Variants in GRIN2B observed in about 807,000 individuals in gnomAD.
The protein encoded by GRIN2B is glutamate receptor ionotropic, NMDA 2B.
A neutral mutation model predicts 114.5 loss-of-function variants in GRIN2B; 5 were observed. The observed-to-expected ratio is 0.04, with a 90% CI of 0.02 to 0.09. GRIN2B has a LOEUF of 0.09. Ranked by LOEUF, GRIN2B falls within the 10% of genes least tolerant of loss-of-function variation. The pLI, the probability that GRIN2B is intolerant of heterozygous loss-of-function variation, is 1.00. For missense variants in GRIN2B, 1,108 were observed against 1,943.5 expected (o/e 0.57, Z 8.08); for synonymous variants, 787 against 745.1 (o/e 1.06, Z -0.92).
chr12:13,721,316 C>T lies in GRIN2B; in HGVS notation c.1010+32001G>A, dbSNP rs530633960. On this transcript the variant is annotated intron_variant, in intron 4 of 13. Coordinates refer to ENST00000609686, the MANE Select transcript of GRIN2B (RefSeq NM_000834.5). ...ATTTTATTCTAAGTGTGACAGGAGG[C>T]CATTGAAAAATTTTGATGTGATCAT... Among the ~76,000 whole-genome samples the T allele has an allele frequency of 2.3e-3, 351 of 151,678 alleles. 1 individual carries two copies. The highest frequency in any genetic ancestry group is 3.6e-3 in the Non-Finnish European group (245 of 67,892).
intron 1 of GRIN2B, 27 bp downstream of exon 1, chr12:13,981,315 G>A (rs1376716930): frequency 6.6e-6 from 1 of 152,326 alleles, no homozygotes; most frequent in African/African-American, 2.4e-5. Context: ...ATTCAAAGGA[G>A]AGACTCCAAA....
intron 3 of GRIN2B, among the ~76,000 whole-genome samples, chr12:13,860,360 G>A (rs778519551): frequency 3.3e-5 from 5 of 152,044 alleles, no homozygotes; most frequent in Non-Finnish European, 5.9e-5. Flanking sequence ...ACAGAGTCTC[G>A]CTCTGTCACT....
intron 10 of GRIN2B, among the ~76,000 whole-genome samples, chr12:13,606,605 G>T (rs1389901569): frequency 6.6e-6 from 1 of 152,122 alleles, no homozygotes; most frequent in Non-Finnish European, 1.5e-5. Flanking sequence ...TAGGAGGTGG[G>T]CGTGGTCCAC....
In GRIN2B at chr12:13,543,401, T is replaced by C. The variant is rs2136380205; in HGVS notation, c.*19382A>G. On this transcript the variant is annotated 3_prime_UTR_variant, in exon 14 of 14. Coordinates refer to ENST00000609686, the MANE Select transcript of GRIN2B (RefSeq NM_000834.5). ...TTCATTGTTCCTCCTTCCCTAAAAA[T>C]CCTCACTTTCCTCTACACCCAGCTT... 1 of 152,270 alleles carries C rather than the reference T, an allele frequency of 6.6e-6. No homozygotes were observed. Among genetic ancestry groups the C allele is most frequent in the East Asian group, 1.9e-4 (1 of 5,174 alleles). 9.4% of individuals were successfully genotyped at this position (152,270 alleles called of 1,614,324 possible). A position where few individuals can be genotyped will look rare whatever the true frequency, so the allele number is the denominator to read the frequency against.
intron 2 of GRIN2B, among the ~76,000 whole-genome samples, chr12:13,971,570 C>A (rs1356678421): frequency 1.3e-5 from 2 of 152,162 alleles, no homozygotes; most frequent in African/African-American, 4.8e-5. Flanking sequence ...TTCCAACTAG[C>A]ACTCAGATAA....
rs149674473 is a variant in GRIN2B at position 13,890,866 on chromosome 12, A to G, written c.-18-24640T>C. 1.8e-3 allele frequency among the ~76,000 whole-genome samples: 275 copies of G among 152,316 alleles called. 1 individual carries two copies. The highest frequency in any genetic ancestry group is 6.3e-3 in the African/African-American group (261 of 41,564). The stretch of plus-strand genomic sequence containing the variant: ...ATGCAGACTTTCCACCCTGGGAGAC[A>G]GGTAGTGCCCTGGGTATCACAACTT... On this transcript the variant is annotated intron_variant, in intron 2 of 13. Coordinates refer to ENST00000609686, the MANE Select transcript of GRIN2B (RefSeq NM_000834.5).
intron 2 of GRIN2B, among the ~76,000 whole-genome samples, chr12:13,866,597 G>A (rs1865832851): frequency 6.6e-6 from 1 of 152,182 alleles, no homozygotes; most frequent in Non-Finnish European, 1.5e-5. Context: ...TGGGCTGAAG[G>A]AAAGCAAGGC....
At chr12:13,855,049 G>GGAAAAAAAA (rs57722937) in intron 3 of GRIN2B, among the ~76,000 whole-genome samples, 3 of 88,028 alleles carry the variant, frequency 3.4e-5, no homozygotes, top group African/African-American at 1.5e-4. Context: ...CATCTCTACT[G>GGAAAAAAAA]AAAAAAAAAA....
intron 5 of GRIN2B, among the ~76,000 whole-genome samples, chr12:13,638,390 TC>T (rs1165684365): frequency 6.6e-6 from 1 of 152,096 alleles, no homozygotes; most frequent in Non-Finnish European, 1.5e-5. Context: ...CCAAGACATG[TC>T]CACGTGAATG....
chr12:13,750,444 A>G (rs1026319447), intron 4 of GRIN2B, among the ~76,000 whole-genome samples: 2 of 152,262 alleles, frequency 1.3e-5, no homozygotes, highest in African/African-American at 2.4e-5. Context: ...TTTACCCAGC[A>G]GAAGTTTTAA....
chr12:13,934,958 T>C (rs1867101586), intron 2 of GRIN2B, among the ~76,000 whole-genome samples: 1 of 152,212 alleles, frequency 6.6e-6, no homozygotes, highest in Non-Finnish European at 1.5e-5. Context: ...ATCAGCAGCT[T>C]GTTGTCTTAT....
chr12:13,802,278 A>G (rs1565542688), intron 3 of GRIN2B, among the ~76,000 whole-genome samples: 1 of 152,132 alleles, frequency 6.6e-6, no homozygotes, highest in Non-Finnish European at 1.5e-5. Context: ...TTCACTAGTA[A>G]ATCAACTAAA....
intron 4 of GRIN2B, among the ~76,000 whole-genome samples, chr12:13,704,985 C>T (rs1950346528): frequency 6.6e-6 from 1 of 152,092 alleles, no homozygotes; most frequent in African/African-American, 2.4e-5. Flanking sequence ...ACAACCAATA[C>T]ATCCTTAGGC....
rs1157999857 is a variant in GRIN2B, at chr12:13,555,642, T to G, written c.*7141A>C. The G allele has an allele frequency of 1.3e-5, 2 of 152,144 alleles. No individual in the cohort carries two copies. Among genetic ancestry groups the G allele is most frequent in the Non-Finnish European group, 2.9e-5 (2 of 68,028 alleles). 9.4% of individuals were successfully genotyped at this position (152,144 alleles called of 1,614,324 possible). On this transcript the variant is annotated 3_prime_UTR_variant, in exon 14 of 14. Transcript: ENST00000609686. ...GTTGGGAGAAAGGATGGAAAAGATG[T>G]GTGAAAGACAAGAGAAATCTAAAGG...
intron 10 of GRIN2B, among the ~76,000 whole-genome samples, chr12:13,607,155 T>A (rs1248550749): frequency 8.2e-5 from 10 of 121,354 alleles, no homozygotes; most frequent in African/African-American, 1.3e-4. Flanking sequence ...AAAAAAAATA[T>A]ATATATATAT....
At chr12:13,624,475 G>T (rs1201303479) in intron 5 of GRIN2B, among the ~76,000 whole-genome samples, 1 of 152,250 alleles carries the variant, frequency 6.6e-6, no homozygotes, top group African/African-American at 2.4e-5. Flanking sequence ...ACAATCTGCT[G>T]CAGTATCTAA....
At chr12:13,803,106 C>A (rs1187265079) in intron 3 of GRIN2B, among the ~76,000 whole-genome samples, 1 of 152,090 alleles carries the variant, frequency 6.6e-6, no homozygotes, top group South Asian at 2.1e-4. Context: ...TTATAATTTT[C>A]TTAATAACAT....
intron 4 of GRIN2B, among the ~76,000 whole-genome samples, chr12:13,700,161 T>C (rs1032820538): frequency 1.3e-5 from 2 of 152,112 alleles, no homozygotes; most frequent in Non-Finnish European, 2.9e-5. Flanking sequence ...TGAGACATCA[T>C]CTGCACAGTA....
intron 3 of GRIN2B, among the ~76,000 whole-genome samples, chr12:13,865,408 G>A (rs1865811001): frequency 6.6e-6 from 1 of 151,832 alleles, no homozygotes; most frequent in Non-Finnish European, 1.5e-5. Flanking sequence ...GAGGCAGGTG[G>A]ATCACCTGAG....
Sources: allele counts gnomAD v4.1 joint callset (sites outside exome capture counted in the v4.1 genomes callset), GRCh38; gene constraint gnomAD v4.1.1; transcripts MANE v1.5; gene names NCBI Gene and HGNC (gene_info 2026-07-23, HGNC 2026-07-21).